Variants in CD44 observed in about 807,000 individuals in gnomAD.
CD44 encodes the protein CD44 antigen.
In CD44, 49 loss-of-function variants were observed where a neutral mutation model predicts 88.8. The ratio of observed to expected loss-of-function variants is 0.55; its 90% CI spans 0.44 to 0.70. The LOEUF is 0.70. Among genes scored for constraint, CD44 ranks in the 30% least tolerant of loss-of-function variants. The pLI is 0.00. For missense variants in CD44, 883 were observed against 913.8 expected (o/e 0.97, Z 0.43); for synonymous variants, 325 against 312.3 (o/e 1.04, Z -0.43).
intron 2 of CD44, among the ~76,000 whole-genome samples, chr11:35,178,814 A>G (rs1944713089): frequency 6.6e-6 from 1 of 152,206 alleles, no homozygotes; most frequent in Non-Finnish European, 1.5e-5. Context: ...ATTTAGAAAA[A>G]CTGTGCCAAA....
At chr11:35,181,455 A>G (rs913627882) in intron 3 of CD44, among the ~76,000 whole-genome samples, 1 of 151,822 alleles carries the variant, frequency 6.6e-6, no homozygotes, top group Admixed American at 6.6e-5. Context: ...AAATATCTCG[A>G]TGCCAACTAT....
intron 15 of CD44, 51 bp from the exon 16 acceptor site, chr11:35,219,265 C>T: frequency 1.4e-6 from 2 of 1,386,032 alleles, no homozygotes; most frequent in Non-Finnish European, 2.1e-6. Flanking sequence ...ACAAGGAACT[C>T]ATGGTTACAC....
intron 1 of CD44, among the ~76,000 whole-genome samples, chr11:35,160,648 G>T (rs1260380869): frequency 1.3e-5 from 2 of 152,186 alleles, no homozygotes; most frequent in African/African-American, 4.8e-5. Context: ...AGTAAACGAG[G>T]CCTCTGAAGG....
chr11:35,230,462 G>A lies in CD44; in HGVS notation c.*1129G>A, dbSNP rs559083566. On this transcript the variant is annotated 3_prime_UTR_variant, in exon 18 of 18. Coordinates refer to ENST00000428726, the MANE Select transcript of CD44 (RefSeq NM_000610.4). ...AGTGCCTTTTGATGTCTTACAATAA[G>A]AGAAGAAGCCAATGGAAATGAAAGA... The A allele has an allele frequency of 1.3e-5, 2 of 152,288 alleles. No individual in the cohort carries two copies. Among genetic ancestry groups the A allele is most frequent in the East Asian group, 3.9e-4 (2 of 5,188 alleles). 9.4% of individuals were successfully genotyped at this position (152,288 alleles called of 1,614,324 possible).
At chr11:35,172,069 C>T (rs754542961) in intron 1 of CD44, among the ~76,000 whole-genome samples, 4 of 152,094 alleles carry the variant, frequency 2.6e-5, no homozygotes, top group Non-Finnish European at 4.4e-5. Flanking sequence ...CAGATGTTAT[C>T]GTTCTTTGAC....
At chr11:35,220,967 GTCAGGCT>G (rs1312371546) in intron 16 of CD44, among the ~76,000 whole-genome samples, 1 of 151,986 alleles carries the variant, frequency 6.6e-6, no homozygotes, top group Admixed American at 6.6e-5. Context: ...CACCATGTTG[GTCAGGCT>G]GGTCTCAAAC....
chr11:35,157,516 TTATATCTATCATCTATC>T (rs1942061654), intron 1 of CD44, among the ~76,000 whole-genome samples: 1 of 152,232 alleles, frequency 6.6e-6, no homozygotes, highest in Non-Finnish European at 1.5e-5. Context: ...CTTTATCTAT[TTATATCTATCATCTATC>T]TATATCTATC....
intron 1 of CD44, among the ~76,000 whole-genome samples, chr11:35,160,883 T>C (rs1404208327): frequency 6.6e-6 from 1 of 152,190 alleles, no homozygotes; most frequent in Non-Finnish European, 1.5e-5. Context: ...AGGATCCTCC[T>C]TAGAATGGTG....
rs114247966 is a variant in CD44 at position 35,206,217 on chromosome 11, G to A, written c.1388G>A (p.Arg463Gln). 2,090 of 1,610,654 alleles carry A rather than the reference G, an allele frequency of 1.3e-3. 40 individuals are homozygous for A. In the African/African-American group the frequency reaches 0.025, roughly 20 times the overall value. Residue 463 changes from arginine to glutamine, a missense_variant, in exon 11 of 18, where the codon CGA becomes CAA. Arg to Gln is a conservative substitution (Grantham distance 43). Coordinates refer to ENST00000428726, the MANE Select transcript of CD44 (RefSeq NM_000610.4). ...FFNPISHPMG[R>Q]GHQAGRRMDM... ...AACCCAATCTCACACCCCATGGGAC[G>A]AGGTCATCAAGCAGGAAGAAGGATG...
intron 10 of CD44, 62 bp from the exon 11 acceptor site, chr11:35,206,050 G>A (rs561752164): frequency 3.8e-5 from 56 of 1,486,198 alleles, no homozygotes; most frequent in Admixed American, 2.5e-4. Flanking sequence ...AAATAAAATC[G>A]GTGTATCCCT....
At chr11:35,152,918 A>G (rs1324103076) in intron 1 of CD44, among the ~76,000 whole-genome samples, 1 of 152,192 alleles carries the variant, frequency 6.6e-6, no homozygotes, top group Non-Finnish European at 1.5e-5. Flanking sequence ...CTGACGGGAC[A>G]GCTTAGAAGG....
At chr11:35,188,062 G>C (rs1945869399) in intron 4 of CD44, among the ~76,000 whole-genome samples, 1 of 152,164 alleles carries the variant, frequency 6.6e-6, no homozygotes, top group African/African-American at 2.4e-5. Flanking sequence ...TAGGCTAACT[G>C]CTAACCCTGA....
chr11:35,157,317 GTCTGTCTA>G (rs1341178989), intron 1 of CD44, among the ~76,000 whole-genome samples: 1 of 132,728 alleles, frequency 7.5e-6, no homozygotes, highest in Non-Finnish European at 1.7e-5. Context: ...CTATCTGTCT[GTCTGTCTA>G]TCTATCTATC....
intron 17 of CD44, among the ~76,000 whole-genome samples, chr11:35,222,211 C>A (rs1949357336): frequency 6.6e-6 from 1 of 152,142 alleles, no homozygotes; most frequent in East Asian, 1.9e-4. Flanking sequence ...GATTCATCAT[C>A]CCCTGTAGCC....
In CD44 at chr11:35,189,709, A is replaced by G. The variant is rs929396971; in HGVS notation, c.437-126A>G. On this transcript the variant is annotated intron_variant, in intron 4 of 17. Transcript: ENST00000428726. ...CTTAGTGCATCTGCCACTCTCTCCC[A>G]CCACTGGATAGATAGGTGTTTCTCA... 3 of 682,768 alleles carry G rather than the reference A, an allele frequency of 4.4e-6. No homozygotes were observed. The African/African-American group carries it at 5.4e-5, about 12-fold the overall frequency. 42.3% of individuals were successfully genotyped at this position (682,768 alleles called of 1,614,324 possible).
chr11:35,169,154 A>C (rs1943608834), intron 1 of CD44, among the ~76,000 whole-genome samples: 1 of 152,146 alleles, frequency 6.6e-6, no homozygotes, highest in Non-Finnish European at 1.5e-5. Flanking sequence ...TGGGGGCAGA[A>C]AGAGAGCATT....
At chr11:35,199,925 C>G (rs1947127932) in intron 7 of CD44, among the ~76,000 whole-genome samples, 1 of 124,694 alleles carries the variant, frequency 8.0e-6, no homozygotes. Context: ...AAAAATTTCC[C>G]ATGGTGTTGT....
intron 1 of CD44, among the ~76,000 whole-genome samples, chr11:35,150,773 C>T (rs1410277565): frequency 6.6e-6 from 1 of 152,238 alleles, no homozygotes; most frequent in Non-Finnish European, 1.5e-5. Flanking sequence ...AGAACCCACT[C>T]ATAGCCAGGA....
intron 10 of CD44, 145 bp downstream of exon 10, chr11:35,204,785 G>A (rs1264590796): frequency 1.4e-6 from 1 of 697,470 alleles, no homozygotes; most frequent in Non-Finnish European, 2.4e-6. Flanking sequence ...AGTTCACACA[G>A]AGCCAAACCT....
Sources: allele counts gnomAD v4.1 joint callset (sites outside exome capture counted in the v4.1 genomes callset), GRCh38; gene constraint gnomAD v4.1.1; transcripts MANE v1.5; gene names NCBI Gene and HGNC (gene_info 2026-07-23, HGNC 2026-07-21).